Variants in MGAT5 observed in about 807,000 individuals in gnomAD.
The protein encoded by MGAT5 is alpha-1,6-mannosylglycoprotein 6-beta-N-acetylglucosaminyltransferase, also known as alpha-1,6-mannosylglycoprotein 6-beta-N-acetylglucosaminyltransferase A.
In MGAT5, 30 loss-of-function variants were observed where a neutral mutation model predicts 94.3. The ratio of observed to expected loss-of-function variants is 0.32; its 90% CI spans 0.24 to 0.43. MGAT5 has a LOEUF of 0.43. Among genes scored for constraint, MGAT5 ranks in the 20% least tolerant of loss-of-function variants. The pLI, the probability that MGAT5 is intolerant of heterozygous loss-of-function variation, is 1.00. For synonymous variants in MGAT5, 310 were observed against 322.9 expected, an observed-to-expected ratio of 0.96 and a Z score of 0.43; for missense variants, 691 against 905.5, an observed-to-expected ratio of 0.76 and a Z score of 3.04.
intron 1 of MGAT5, among the ~76,000 whole-genome samples, chr2:134,172,678 G>GCA: frequency 1.3e-5 from 2 of 152,318 alleles, no homozygotes; most frequent in East Asian, 1.9e-4. Flanking sequence ...GAGCCACCAT[G>GCA]CCCAGCCAGT....
chr2:134,414,105 G>A (rs975724566), intron 12 of MGAT5, among the ~76,000 whole-genome samples: 1 of 150,846 alleles, frequency 6.6e-6, no homozygotes, highest in Non-Finnish European at 1.5e-5. Flanking sequence ...AGGTTAATCC[G>A]TGGCCCAGAT....
At chr2:134,220,346 C>T (rs1304547754) in intron 1 of MGAT5, among the ~76,000 whole-genome samples, 2 of 152,116 alleles carry the variant, frequency 1.3e-5, no homozygotes, top group Non-Finnish European at 2.9e-5. Context: ...ATGAAATGAC[C>T]TGTCTCTGCC....
intron 10 of MGAT5, among the ~76,000 whole-genome samples, chr2:134,381,407 TAGA>T (rs763351059): frequency 1.3e-4 from 9 of 71,978 alleles, no homozygotes; most frequent in Middle Eastern, 0.014. Context: ...GATAGATAGA[TAGA>T]TAGATAGATA....
At chr2:134,237,912 A>C (rs996264643) in intron 1 of MGAT5, among the ~76,000 whole-genome samples, 2 of 151,666 alleles carry the variant, frequency 1.3e-5, no homozygotes, top group African/African-American at 4.9e-5. Context: ...TACCACGCTC[A>C]GCTAATTTTT....
At chr2:134,334,774 A>G (rs956864518) in intron 4 of MGAT5, among the ~76,000 whole-genome samples, 11 of 151,962 alleles carry the variant, frequency 7.2e-5, no homozygotes, top group African/African-American at 2.4e-4. Flanking sequence ...GGAGCTGCAG[A>G]TATTGCCTTT....
chr2:134,154,916 ACC>A (rs1687404307), intron 1 of MGAT5, among the ~76,000 whole-genome samples: 1 of 152,140 alleles, frequency 6.6e-6, no homozygotes, highest in Non-Finnish European at 1.5e-5. Context: ...GTCATCTGTG[ACC>A]TTTCCTGGAG....
chr2:134,136,049 T>G lies in MGAT5; in HGVS notation c.-143+15758T>G, dbSNP rs1310534735. Reference sequence around the variant, plus strand: ...CCAAAATTTGGCAATTCTTTCACTTTGGAAGGTTGGACATAAGTCACAGTA... The same window carrying G: ...CCAAAATTTGGCAATTCTTTCACTTGGGAAGGTTGGACATAAGTCACAGTA... On this transcript the variant is annotated intron_variant, in intron 1 of 16. Coordinates refer to the MGAT5 transcript ENST00000409645. 7.2e-5 allele frequency among the ~76,000 whole-genome samples: 11 copies of G among 152,220 alleles called. No homozygotes were observed. The South Asian group carries it at 2.3e-3, about 32-fold the overall frequency.
intron 1 of MGAT5, among the ~76,000 whole-genome samples, chr2:134,165,104 T>C (rs1038237954): frequency 2.0e-5 from 3 of 152,218 alleles, no homozygotes; most frequent in African/African-American, 7.2e-5. Context: ...ATTAGTCAAC[T>C]GGCTTTTGAG....
intron 14 of MGAT5, among the ~76,000 whole-genome samples, chr2:134,434,912 G>C (rs1304689428): frequency 6.6e-6 from 1 of 152,142 alleles, no homozygotes; most frequent in African/African-American, 2.4e-5. Context: ...TATATTTCCA[G>C]CACCCAGTGG....
chr2:134,295,955 G>A (rs1685648736), intron 2 of MGAT5, among the ~76,000 whole-genome samples: 1 of 152,148 alleles, frequency 6.6e-6, no homozygotes, highest in African/African-American at 2.4e-5. Context: ...TTTTTATTTG[G>A]GAGGTGGAAA....
chr2:134,348,498 T>G (rs1433721701), intron 8 of MGAT5, among the ~76,000 whole-genome samples: 1 of 152,198 alleles, frequency 6.6e-6, no homozygotes, highest in Non-Finnish European at 1.5e-5. Context: ...AATGAAAATT[T>G]TTGAGTATAC....
chr2:134,130,267 G>GCCCCACACCA (rs1558947626), intron 1 of MGAT5, among the ~76,000 whole-genome samples: 5 of 82,444 alleles, frequency 6.1e-5, no homozygotes, highest in African/African-American at 9.9e-5. Context: ...GCCCCACACC[G>GCCCCACACCA]CCCCACACCC....
chr2:134,131,274 T>C (rs958510791), intron 1 of MGAT5, among the ~76,000 whole-genome samples: 4 of 152,214 alleles, frequency 2.6e-5, no homozygotes, highest in Non-Finnish European at 5.9e-5. Context: ...CGCGGCTTCA[T>C]TCTTGAAGTC....
At chr2:134,177,791 G>A (rs1019698801) in intron 1 of MGAT5, among the ~76,000 whole-genome samples, 2 of 152,222 alleles carry the variant, frequency 1.3e-5, no homozygotes, top group African/African-American at 4.8e-5. Context: ...AATGGCCGAT[G>A]CTGACAATGA....
At chr2:134,234,544 A>G (rs1007039443) in intron 1 of MGAT5, among the ~76,000 whole-genome samples, 2 of 152,194 alleles carry the variant, frequency 1.3e-5, no homozygotes, top group African/African-American at 4.8e-5. Context: ...AAGTTTGTTC[A>G]CCCTACCTTG....
intron 1 of MGAT5, among the ~76,000 whole-genome samples, chr2:134,194,679 A>C (rs993187561): frequency 6.6e-6 from 1 of 152,106 alleles, no homozygotes; most frequent in East Asian, 1.9e-4. Context: ...AGATACTTCA[A>C]GGTAGATATA....
chr2:134,151,479 G>A (rs1687172000), intron 1 of MGAT5, among the ~76,000 whole-genome samples: 1 of 139,568 alleles, frequency 7.2e-6, no homozygotes. Context: ...GCCGCCCACT[G>A]CCATGGGACC....
In MGAT5 at chr2:134,237,622, C is replaced by CTT. The variant is rs34504085; in HGVS notation, c.-142-16625_-142-16624dup. On this transcript the variant is annotated intron_variant, in intron 1 of 16. Transcript: ENST00000409645. ...CTCAACTTATATAAATGATTTAATT[C>CTT]TTTTTTTTTTTTTTTTGAGATGGAG... Among the ~76,000 whole-genome samples the CTT allele has an allele frequency of 1.7e-3, 109 of 62,406 alleles. 5 individuals are homozygous for CTT. Among genetic ancestry groups the CTT allele is most frequent in the African/African-American group, 4.5e-3 (92 of 20,516 alleles). The allele number at this position is 62,406 out of a possible 152,430, so 40.9% of individuals were successfully genotyped here.
chr2:134,373,289 A>G (rs1273189474), intron 10 of MGAT5, among the ~76,000 whole-genome samples: 2 of 152,222 alleles, frequency 1.3e-5, no homozygotes, highest in Non-Finnish European at 2.9e-5. Flanking sequence ...TTTGGTGCCC[A>G]GAAGATGAGC....
Sources: allele counts gnomAD v4.1 joint callset (sites outside exome capture counted in the v4.1 genomes callset), GRCh38; gene constraint gnomAD v4.1.1; transcripts MANE v1.5; gene names NCBI Gene and HGNC (gene_info 2026-07-23, HGNC 2026-07-21).